Variants in ZSCAN25 observed in about 807,000 individuals in gnomAD.
The protein encoded by ZSCAN25 is zinc finger and SCAN domain-containing protein 25.
ZSCAN25 carries 27 observed loss-of-function variants against 38.7 expected under a neutral mutation model. That is an observed-to-expected ratio of 0.70 (90% CI 0.51 to 0.96). The LOEUF is 0.96. Ranked by LOEUF, ZSCAN25 falls within the 40% of genes least tolerant of loss-of-function variation. ZSCAN25 has a pLI of 0.00. For synonymous variants in ZSCAN25, 273 were observed against 277.7 expected (o/e 0.98, Z 0.17); for missense variants, 637 against 705.9 (o/e 0.90, Z 1.11).
the ZSCAN25 span, among the ~76,000 whole-genome samples, chr7:99,725,920 C>T: frequency 2.0e-5 from 3 of 152,142 alleles, no homozygotes; most frequent in Admixed American, 1.3e-4. Flanking sequence ...TGGGTATTGA[C>T]GGCCAGGTTT....
the ZSCAN25 span, among the ~76,000 whole-genome samples, chr7:99,689,762 A>G: frequency 2.0e-5 from 3 of 152,232 alleles, no homozygotes; most frequent in Non-Finnish European, 2.9e-5. Context: ...GGACCTCTTC[A>G]AGGAGAATTA....
At chr7:99,714,455 T>G in the ZSCAN25 span, 1 of 1,546,292 alleles carries the variant, frequency 6.5e-7, no homozygotes, top group South Asian at 1.2e-5. Flanking sequence ...TATGTTAAAA[T>G]CTTTCTCTAA....
the ZSCAN25 span, among the ~76,000 whole-genome samples, chr7:99,644,479 A>G: frequency 1.3e-5 from 2 of 152,144 alleles, no homozygotes; most frequent in Non-Finnish European, 2.9e-5. Flanking sequence ...GGCTGCCTGA[A>G]CAGCATGAGG....
chr7:99,712,855 C>T, the ZSCAN25 span, among the ~76,000 whole-genome samples: 1 of 152,052 alleles, frequency 6.6e-6, no homozygotes, highest in Admixed American at 6.6e-5. Context: ...CAGTAAAAAT[C>T]GTACATGGGT....
chr7:99,717,409 TAGGA>T, the ZSCAN25 span: 1 of 1,585,120 alleles, frequency 6.3e-7, no homozygotes, highest in South Asian at 1.1e-5. Flanking sequence ...AGACTATTTT[TAGGA>T]AGCTCAAATT....
At chr7:99,663,593 G>T in the ZSCAN25 span, 1 of 996,728 alleles carries the variant, frequency 1.0e-6, no homozygotes, top group Non-Finnish European at 1.2e-6. Flanking sequence ...TAAGAGTCTT[G>T]GACTTAAAAT....
chr7:99,699,223 C>T, the ZSCAN25 span, among the ~76,000 whole-genome samples: 9 of 152,126 alleles, frequency 5.9e-5, no homozygotes, highest in East Asian at 1.9e-4. Context: ...CTCCCAGAGA[C>T]GGGAGGAAAA....
At chr7:99,697,775 G>A in the ZSCAN25 span, among the ~76,000 whole-genome samples, 1 of 152,184 alleles carries the variant, frequency 6.6e-6, no homozygotes, top group African/African-American at 2.4e-5. Flanking sequence ...TAGTGCATTT[G>A]GATCCTTGCC....
chr7:99,641,956 T>C, the ZSCAN25 span, among the ~76,000 whole-genome samples: 6 of 152,230 alleles, frequency 3.9e-5, no homozygotes, highest in Non-Finnish European at 8.8e-5. Flanking sequence ...ACATGTTGTT[T>C]GGAACTTTCC....
chr7:99,666,476 G>A, the ZSCAN25 span: 1 of 1,051,146 alleles, frequency 9.5e-7, no homozygotes, highest in Non-Finnish European at 1.5e-6. Flanking sequence ...GCTCTTTGGA[G>A]TTGCAGCGCT....
chr7:99,714,304 T>G, the ZSCAN25 span, among the ~76,000 whole-genome samples: 8 of 152,296 alleles, frequency 5.3e-5, no homozygotes, highest in African/African-American at 1.7e-4. Flanking sequence ...TGAATAATAT[T>G]TATGTCATGG....
At chr7:99,716,386 G>A in the ZSCAN25 span, among the ~76,000 whole-genome samples, 2 of 152,204 alleles carry the variant, frequency 1.3e-5, no homozygotes, top group African/African-American at 4.8e-5. Context: ...TGAGCTCCTA[G>A]AAATATCATC....
At chr7:99,636,277 T>G (rs958317332), downstream of ZSCAN25, among the ~76,000 whole-genome samples, 1 of 152,190 alleles carries the variant, frequency 6.6e-6, no homozygotes, top group Non-Finnish European at 1.5e-5. Flanking sequence ...ATGTGTTTAT[T>G]AGCCTTATTT....
the ZSCAN25 span, chr7:99,717,403 T>G: frequency 3.1e-6 from 5 of 1,587,302 alleles, no homozygotes; most frequent in Non-Finnish European, 3.4e-6. Flanking sequence ...ATAAAAAGAC[T>G]ATTTTTAGGA....
chr7:99,657,446 GAC>G, the ZSCAN25 span, among the ~76,000 whole-genome samples: 3 of 152,206 alleles, frequency 2.0e-5, no homozygotes, highest in Non-Finnish European at 4.4e-5. Context: ...TGGTCTGAGA[GAC>G]AGTTTGTTAT....
chr7:99,735,293 G>A, the ZSCAN25 span: 1 of 646,780 alleles, frequency 1.5e-6, no homozygotes, highest in Non-Finnish European at 2.7e-6. Flanking sequence ...CCTGCAGTCG[G>A]AAGAGGCTTC....
At chr7:99,710,904 G>C in the ZSCAN25 span, 6 of 1,613,452 alleles carry the variant, frequency 3.7e-6, no homozygotes, top group African/African-American at 5.3e-5. Context: ...TGAAAGGAGA[G>C]AAAAGACATT....
the ZSCAN25 span, among the ~76,000 whole-genome samples, chr7:99,667,775 A>G: frequency 6.6e-6 from 1 of 152,206 alleles, no homozygotes; most frequent in Non-Finnish European, 1.5e-5. Context: ...TAAACTAGGA[A>G]GAGAGAGACA....
chr7:99,641,893 C>T, the ZSCAN25 span, among the ~76,000 whole-genome samples: 2 of 152,350 alleles, frequency 1.3e-5, no homozygotes, highest in Admixed American at 6.5e-5. Flanking sequence ...TGCATACTCT[C>T]TTCTCTATCC....
Sources: gnomAD v4.1 joint callset for allele counts (sites outside exome capture counted in the v4.1 genomes callset) on GRCh38, gnomAD v4.1.1 for gene constraint, MANE v1.5 for transcripts, NCBI Gene and HGNC (gene_info 2026-07-23, HGNC 2026-07-21) for gene names.